The following ARSB variants were observed in gnomAD, a reference collection of about 807,000 sequenced individuals.
ARSB encodes the protein arylsulfatase B, also known as N-acetylgalactosamine-4-sulfatase.
In ARSB, 41 loss-of-function variants were observed where a neutral mutation model predicts 50.9. The ratio of observed to expected loss-of-function variants is 0.81; its 90% CI spans 0.63 to 1.04. ARSB has a LOEUF of 1.04. ARSB is among the 50% of genes least tolerant of loss of function. The probability of loss-of-function intolerance (pLI) is 0.00; values close to 1 mark genes in which losing one functional copy is unlikely to be tolerated. For missense variants in ARSB, 672 were observed against 693.3 expected, an observed-to-expected ratio of 0.97 and a Z score of 0.35; for synonymous variants, 269 against 284.8, an observed-to-expected ratio of 0.94 and a Z score of 0.56.
At chr5:78,824,378 T>C (rs960174724) in intron 6 of ARSB, among the ~76,000 whole-genome samples, 15 of 152,256 alleles carry the variant, frequency 9.9e-5, no homozygotes, top group African/African-American at 1.9e-4. Flanking sequence ...ATTCTAAAGA[T>C]TGAGCTTCAA....
At chr5:78,782,244 C>T (rs1030768831) in intron 6 of ARSB, among the ~76,000 whole-genome samples, 3 of 152,222 alleles carry the variant, frequency 2.0e-5, no homozygotes, top group African/African-American at 7.2e-5. Context: ...TGCCAATGTA[C>T]AGCTAGCCAT....
intron 4 of ARSB, among the ~76,000 whole-genome samples, chr5:78,931,143 C>T (rs1750307921): frequency 6.6e-6 from 1 of 152,214 alleles, no homozygotes; most frequent in African/African-American, 2.4e-5. Flanking sequence ...CACATATGTG[C>T]AGCAGTTACC....
In ARSB at chr5:78,955,400, G is replaced by A; in HGVS notation, c.793C>T (p.His265Tyr). The A allele has an allele frequency of 6.2e-7, 1 of 1,614,176 alleles. No homozygotes were observed. The highest frequency in any genetic ancestry group is 8.5e-7 in the Non-Finnish European group (1 of 1,180,022). Residue 265 changes from histidine to tyrosine, a missense_variant, in exon 4 of 8, where the codon CAC (histidine) becomes TAC (tyrosine). His to Tyr is a moderately conservative substitution (Grantham distance 83, BLOSUM62 2). Transcript: ENST00000264914. ...ATAAGGGACACCATTCCTGCATAGT[G>A]ATGCCTGTTCTTGTCTTGGATAAAG... ...YDFIQDKNRH[H>Y]YAGMVSLMDE... is the part of the protein sequence containing the mutation.
At chr5:78,808,909 G>A (rs1183777712) in intron 6 of ARSB, among the ~76,000 whole-genome samples, 3 of 152,184 alleles carry the variant, frequency 2.0e-5, no homozygotes, top group Non-Finnish European at 4.4e-5. Context: ...ACAGCAAGAC[G>A]CCAATATGTG....
chr5:78,868,559 A>T (rs1223246073), intron 5 of ARSB, among the ~76,000 whole-genome samples: 3 of 140,174 alleles, frequency 2.1e-5, no homozygotes, highest in Non-Finnish European at 3.1e-5. Context: ...ATCCAGCCAA[A>T]CTAAGCTTCA....
chr5:78,869,191 T>TA (rs1399863512), intron 5 of ARSB, among the ~76,000 whole-genome samples: 1 of 121,760 alleles, frequency 8.2e-6, no homozygotes. Context: ...CAAAGAGACT[T>TA]AGACTCCCAC....
rs1271152860 is a variant in ARSB, at chr5:78,955,388, T to G, written c.805A>C (p.Met269Leu). ...QDKNRHHYAG[M>L]VSLMDEAVGN... ...ACTGCTTCATCCATAAGGGACACCA[T>G]TCCTGCATAGTGATGCCTGTTCTTG... The change falls in exon 4 of 8, where the codon ATG becomes CTG. Residue 269 changes from methionine to leucine, a missense_variant. Met to Leu is a conservative substitution (Grantham distance 15). Transcript: ENST00000264914. The G allele has an allele frequency of 6.2e-7, 1 of 1,614,206 alleles. No individual in the cohort carries two copies. The highest frequency in any genetic ancestry group is 8.5e-7 in the Non-Finnish European group (1 of 1,180,028).
intron 5 of ARSB, among the ~76,000 whole-genome samples, chr5:78,849,347 C>G (rs1267714824): frequency 1.3e-5 from 2 of 152,068 alleles, no homozygotes; most frequent in African/African-American, 4.8e-5. Flanking sequence ...GCTTGTTTTT[C>G]TCAGGTTTGT....
At chr5:78,837,171 C>T (rs1744991636) in intron 6 of ARSB, among the ~76,000 whole-genome samples, 1 of 152,148 alleles carries the variant, frequency 6.6e-6, no homozygotes, top group South Asian at 2.1e-4. Flanking sequence ...CAAAATACAG[C>T]TTAGTGAGTG....
chr5:78,937,254 G>A (rs62377862), intron 4 of ARSB, among the ~76,000 whole-genome samples: 19,190 of 144,926 alleles, frequency 0.13, 1,615 homozygotes, highest in Middle Eastern at 0.23. Flanking sequence ...AAGGAAGTTC[G>A]ATATATATAT....
chr5:78,961,771 G>A (rs1314222332), intron 3 of ARSB, among the ~76,000 whole-genome samples: 2 of 151,806 alleles, frequency 1.3e-5, no homozygotes, highest in African/African-American at 2.4e-5. Context: ...GCTTCTGCTT[G>A]CCTCTCCATA....
rs768012515 is a variant in ARSB, at chr5:78,781,850, A to C, written c.1336+2T>G. ...GGAAGTTTGCTAAGCTAAGGACTCT[A>C]CCTGGGTAGCCCGTGAGGAGTTTCC... is the stretch of plus-strand genomic sequence containing the variant. On this transcript the variant is annotated splice_donor_variant, in intron 7 of 7. Transcript: ENST00000264914. LOFTEE classifies it high-confidence loss of function. The C allele has an allele frequency of 9.3e-6, 15 of 1,613,962 alleles. No individual in the cohort carries two copies. Among genetic ancestry groups the C allele is most frequent in the Non-Finnish European group, 1.3e-5 (15 of 1,179,952 alleles).
At chr5:78,870,513 C>T (rs1432143181) in intron 5 of ARSB, among the ~76,000 whole-genome samples, 110 of 148,282 alleles carry the variant, frequency 7.4e-4, no homozygotes, top group African/African-American at 1.8e-3. Flanking sequence ...CTTCAATATA[C>T]GCAAATCAAT....
In ARSB at chr5:78,894,784, A is replaced by AAT. The variant is rs148557463; in HGVS notation, c.899-8959_899-8958dup. ...AACACTTGCTCCAAGGCCAAAGTGA[A>AAT]ATAAACTCTGTGAGCCCCCAGAGTC... On this transcript the variant is annotated intron_variant, in intron 4 of 7. Transcript: ENST00000264914. Among the ~76,000 whole-genome samples the AAT allele has an allele frequency of 7.5e-3, 1,145 of 152,334 alleles. 18 individuals are homozygous for AAT. Among genetic ancestry groups the AAT allele is most frequent in the African/African-American group, 0.026 (1,100 of 41,570 alleles).
At position 78,939,925 on chromosome 5, in the gene ARSB, A is replaced by G. The variant is rs549980817; in HGVS notation, c.898+15370T>C. Among the ~76,000 whole-genome samples the G allele has an allele frequency of 2.4e-3, 372 of 152,312 alleles. 1 individual carries two copies. Among genetic ancestry groups the G allele is most frequent in the African/African-American group, 8.6e-3 (357 of 41,560 alleles). On this transcript the variant is annotated intron_variant, in intron 4 of 7. Transcript: ENST00000264914. ...AGTGTAAAAGTGTTCCTATTTCTCCACATCCTCTCCAGCACCTGTTGTTTC... is the reference window on the plus strand; with the variant it reads ...AGTGTAAAAGTGTTCCTATTTCTCCGCATCCTCTCCAGCACCTGTTGTTTC...
chr5:78,829,138 G>A (rs966087827), intron 6 of ARSB, among the ~76,000 whole-genome samples: 2 of 152,204 alleles, frequency 1.3e-5, no homozygotes, highest in South Asian at 2.1e-4. Context: ...CCTGCCAATC[G>A]GTACCCTGGA....
chr5:78,850,792 G>A (rs1745731857), intron 5 of ARSB, among the ~76,000 whole-genome samples: 1 of 152,166 alleles, frequency 6.6e-6, no homozygotes, highest in Admixed American at 6.5e-5. Flanking sequence ...TCTTGGGAGG[G>A]TGTACGTATC....
rs71613989 is a variant in ARSB at position 78,841,132 on chromosome 5, G to GTACTACTACTAC, written c.1143-1718_1143-1707dup. Among the ~76,000 whole-genome samples, 1,153 of 134,660 alleles carry GTACTACTACTAC rather than the reference G, an allele frequency of 8.6e-3. 9 individuals carry two copies. The highest frequency in any genetic ancestry group is 0.013 in the South Asian group (50 of 3,858). 88.3% of individuals were successfully genotyped at this position (134,660 alleles called of 152,430 possible). A position where few individuals can be genotyped will look rare whatever the true frequency, so the allele number is the denominator to read the frequency against. On this transcript the variant is annotated intron_variant, in intron 5 of 7. Coordinates refer to ENST00000264914, the MANE Select transcript of ARSB (RefSeq NM_000046.5). ...TAGGCAACATACTGAGACCTGGTCT[G>GTACTACTACTAC]TACTACTACTACTACTACTACTACT...
intron 4 of ARSB, among the ~76,000 whole-genome samples, chr5:78,929,792 CAA>C (rs11355138): frequency 0.046 from 4,924 of 106,594 alleles, 154 homozygotes; most frequent in South Asian, 0.11. Context: ...GACTCTGTCT[CAA>C]AAAAAAAAAA....
Sources: allele counts gnomAD v4.1 joint callset (sites outside exome capture counted in the v4.1 genomes callset), GRCh38; gene constraint gnomAD v4.1.1; transcripts MANE v1.5; gene names NCBI Gene and HGNC (gene_info 2026-07-23, HGNC 2026-07-21).